The following SPTBN1 variants were observed in gnomAD, a reference collection of about 807,000 sequenced individuals.
SPTBN1 encodes spectrin beta chain, non-erythrocytic 1.
In SPTBN1, 32 loss-of-function variants were observed where a neutral mutation model predicts 266.4. That is an observed-to-expected ratio of 0.12 (90% CI 0.09 to 0.16). The LOEUF (loss-of-function observed/expected upper bound fraction) is 0.16, where lower values mean the gene tolerates loss of function less well. Ranked by LOEUF, SPTBN1 falls within the 10% of genes least tolerant of loss-of-function variation. The probability of loss-of-function intolerance (pLI) is 1.00; values close to 1 mark genes in which losing one functional copy is unlikely to be tolerated. For missense variants in SPTBN1, 2,296 were observed against 3,067.1 expected (o/e 0.75, Z 5.94); for synonymous variants, 1,336 against 1,162.2 (o/e 1.15, Z -3.04).
chr2:54,561,468 T>C (rs2104473231), intron 2 of SPTBN1, among the ~76,000 whole-genome samples: 1 of 152,136 alleles, frequency 6.6e-6, no homozygotes, highest in East Asian at 1.9e-4. Context: ...ATGAACTTAT[T>C]TATGTATTGT....
At chr2:54,585,940 C>T (rs200838494) in intron 2 of SPTBN1, among the ~76,000 whole-genome samples, 1 of 152,272 alleles carries the variant, frequency 6.6e-6, no homozygotes, top group East Asian at 1.9e-4. Context: ...TAAATTACTT[C>T]CTGAATGAAG....
At chr2:54,603,478 A>G (rs1676630025) in intron 3 of SPTBN1, among the ~76,000 whole-genome samples, 1 of 152,196 alleles carries the variant, frequency 6.6e-6, no homozygotes, top group African/African-American at 2.4e-5. Context: ...TGCCAAGGCC[A>G]GTGCTGCTAG....
intron 2 of SPTBN1, among the ~76,000 whole-genome samples, chr2:54,583,241 T>C (rs1173389533): frequency 1.3e-5 from 2 of 152,114 alleles, no homozygotes. Flanking sequence ...TGATCCTCTC[T>C]GTTGCCATCT....
At chr2:54,468,496 A>G (rs1023639895) in intron 1 of SPTBN1, among the ~76,000 whole-genome samples, 9 of 152,290 alleles carry the variant, frequency 5.9e-5, no homozygotes, top group East Asian at 1.9e-4. Flanking sequence ...GACAGTCTCT[A>G]TAATGACATG....
In SPTBN1 at chr2:54,655,227, T is replaced by G; in HGVS notation, c.5961+19T>G. 1.2e-6 allele frequency: 2 copies of G among 1,608,756 alleles called. No homozygotes were observed. The highest frequency in any genetic ancestry group is 1.7e-6 in the Non-Finnish European group (2 of 1,177,364). On this transcript the variant is annotated intron_variant, in intron 28 of 35. Transcript: ENST00000356805. ...TGAGGAGGTAGGTTGCTACTTTGCT[T>G]TGGAGCTGCAGCTGGCGTCAAGATG...
intron 4 of SPTBN1, among the ~76,000 whole-genome samples, chr2:54,613,139 C>G (rs571130386): frequency 6.6e-6 from 1 of 152,194 alleles, no homozygotes; most frequent in African/African-American, 2.4e-5. Flanking sequence ...TTGGTTCTTT[C>G]TCCAGGCTCA....
At chr2:54,663,645 A>T (rs1681193310) in intron 32 of SPTBN1, 1 of 152,294 alleles carries the variant, frequency 6.6e-6, no homozygotes, top group Non-Finnish European at 1.5e-5. Flanking sequence ...CACCGTGATC[A>T]ACCAACCCGT....
chr2:54,632,736 C>T lies in SPTBN1; in HGVS notation c.3735C>T (p.Arg1245=). The T allele has an allele frequency of 6.2e-7, 1 of 1,614,186 alleles. No individual in the cohort carries two copies. The highest frequency in any genetic ancestry group is 1.7e-5 in the Admixed American group (1 of 60,024). ...LVSDGNINSD[R]IQEKVDSIDD... The stretch of plus-strand genomic sequence containing the variant: ...GCGATGGGAACATCAACTCAGATCG[C>T]ATCCAGGAGAAGGTGGACTCTATTG... The change falls in exon 17 of 36, where the codon CGC becomes CGT. Residue 1245 remains arginine, a synonymous_variant. Coordinates refer to ENST00000356805, the MANE Select transcript of SPTBN1 (RefSeq NM_003128.3).
intron 32 of SPTBN1, chr2:54,660,668 T>G: frequency 1.0e-6 from 1 of 985,492 alleles, no homozygotes; most frequent in South Asian, 4.7e-5. Flanking sequence ...TCTCATACAT[T>G]TTGAGACCCT....
intron 5 of SPTBN1, among the ~76,000 whole-genome samples, chr2:54,616,694 T>A (rs578064315): frequency 6.6e-6 from 1 of 152,358 alleles, no homozygotes; most frequent in South Asian, 2.1e-4. Flanking sequence ...CCTTTTAATA[T>A]TATCTGTGTC....
intron 1 of SPTBN1, among the ~76,000 whole-genome samples, chr2:54,507,655 T>TA (rs1255047721): frequency 6.6e-6 from 1 of 152,024 alleles, no homozygotes; most frequent in Non-Finnish European, 1.5e-5. Context: ...GACATCTAAT[T>TA]AGAGTGTCCA....
intron 3 of SPTBN1, among the ~76,000 whole-genome samples, chr2:54,600,102 C>T (rs1676387558): frequency 6.6e-6 from 1 of 152,142 alleles, no homozygotes; most frequent in Non-Finnish European, 1.5e-5. Flanking sequence ...TGCCAGAAAG[C>T]CTTATTTTTA....
At chr2:54,627,114 A>G (rs1678392569) in intron 12 of SPTBN1, among the ~76,000 whole-genome samples, 1 of 152,204 alleles carries the variant, frequency 6.6e-6, no homozygotes, top group Non-Finnish European at 1.5e-5. Flanking sequence ...CCCAGGATAT[A>G]AGCTGTCATC....
chr2:54,571,348 C>T lies in SPTBN1; in HGVS notation c.149-27744C>T, dbSNP rs117823551. 5.1e-4 allele frequency among the ~76,000 whole-genome samples: 78 copies of T among 152,124 alleles called. No individual in the cohort carries two copies. In the East Asian group the frequency reaches 0.012, roughly 24 times the overall value. ...CTTCAGGGGGAAAGAATAAATAGCCCTTGGGGTGATTGTAAAGCCTAATTA... is the reference window on the plus strand; with the variant it reads ...CTTCAGGGGGAAAGAATAAATAGCCTTTGGGGTGATTGTAAAGCCTAATTA... On this transcript the variant is annotated intron_variant, in intron 2 of 35. Transcript: ENST00000356805.
At chr2:54,643,179 T>C (rs774027163) in intron 19 of SPTBN1, 50 bp downstream of exon 19, 3 of 1,607,232 alleles carry the variant, frequency 1.9e-6, no homozygotes, top group Non-Finnish European at 2.6e-6. Context: ...AACAGGGTAG[T>C]AATAAACTCC....
intron 4 of SPTBN1, among the ~76,000 whole-genome samples, chr2:54,613,153 T>C (rs748132081): frequency 3.3e-5 from 5 of 152,180 alleles, no homozygotes; most frequent in African/African-American, 4.8e-5. Context: ...AGGCTCATGC[T>C]TCGTACTCAT....
chr2:54,663,097 T>C (rs1252505470), intron 32 of SPTBN1: 2 of 152,180 alleles, frequency 1.3e-5, no homozygotes, highest in Non-Finnish European at 2.9e-5. Flanking sequence ...CCCCCAAAAT[T>C]AGTTTTGTTC....
intron 7 of SPTBN1, among the ~76,000 whole-genome samples, chr2:54,620,267 A>T (rs1258903166): frequency 6.6e-6 from 1 of 152,208 alleles, no homozygotes; most frequent in Admixed American, 6.5e-5. Context: ...AAAGTGGACT[A>T]TGTGTCCATA....
rs915032458 is a variant in SPTBN1 at position 54,645,132 on chromosome 2, C to T, written c.4270-97C>T. On this transcript the variant is annotated intron_variant, in intron 20 of 35. Transcript: ENST00000356805. This position sits in a 1 kb window ranked among gnomAD's most constrained non-coding sequence, Gnocchi z 4.3. ...TGAGTGGCTCCCATGGCTGGCTTTG[C>T]GGTGTGGCCAAGTCCCAGGCCCAGC... 1.4e-5 allele frequency: 18 copies of T among 1,286,010 alleles called. No individual in the cohort carries two copies. The African/African-American group carries it at 1.8e-4, about 13-fold the overall frequency. The allele number at this position is 1,286,010 out of a possible 1,614,324, so 79.7% of individuals were successfully genotyped here. A position where few individuals can be genotyped will look rare whatever the true frequency, so the allele number is the denominator to read the frequency against.
Sources: gnomAD v4.1 joint callset for allele counts (sites outside exome capture counted in the v4.1 genomes callset) on GRCh38, gnomAD v4.1.1 for gene constraint, Gnocchi (gnomAD v3.1) non-coding constraint, MANE v1.5 for transcripts, NCBI Gene and HGNC (gene_info 2026-07-23, HGNC 2026-07-21) for gene names.